STK32B: variants seen among roughly 807,000 people sequenced by gnomAD.
STK32B encodes serine/threonine kinase 32B.
STK32B carries 43 observed loss-of-function variants against 52.6 expected under a neutral mutation model. The observed-to-expected ratio is 0.82, with a 90% CI of 0.64 to 1.05. The LOEUF (loss-of-function observed/expected upper bound fraction) is 1.05, where lower values mean the gene tolerates loss of function less well. Ranked by LOEUF, STK32B falls within the 50% of genes least tolerant of loss-of-function variation. STK32B has a pLI of 0.00. For synonymous variants in STK32B, 238 were observed against 204.3 expected (o/e 1.17, Z -1.41); for missense variants, 621 against 534.6 (o/e 1.16, Z -1.59).
rs1431382282 is a variant in STK32B, at chr4:5,453,246, T to A, written c.667-3561T>A. 7.3e-6 allele frequency among the ~76,000 whole-genome samples: 1 copy of A among 137,392 alleles called. No homozygotes were observed. Among genetic ancestry groups the A allele is most frequent in the East Asian group, 2.3e-4 (1 of 4,274 alleles). 90.1% of individuals were successfully genotyped at this position (137,392 alleles called of 152,430 possible). A position where few individuals can be genotyped will look rare whatever the true frequency, so the allele number is the denominator to read the frequency against. Reference sequence around the variant, plus strand: ...TAGGGAGAGAGAGAGAGAGAGAGAGTAGCTCATGTGGAGGTCCAGTGGAAT... The same window carrying A: ...TAGGGAGAGAGAGAGAGAGAGAGAGAAGCTCATGTGGAGGTCCAGTGGAAT... On this transcript the variant is annotated intron_variant, in intron 7 of 11. Transcript: ENST00000282908. The surrounding 1 kb of genome is among the most constrained non-coding windows in gnomAD (Gnocchi z 4.0).
chr4:5,327,436 G>T (rs1334384787), intron 3 of STK32B, among the ~76,000 whole-genome samples: 1 of 151,366 alleles, frequency 6.6e-6, no homozygotes, highest in Non-Finnish European at 1.5e-5. Context: ...AAGTGTCAAA[G>T]GTCAAAATTA....
At chr4:5,166,419 G>A (rs1214446333) in intron 2 of STK32B, among the ~76,000 whole-genome samples, 1 of 150,620 alleles carries the variant, frequency 6.6e-6, no homozygotes, top group Non-Finnish European at 1.5e-5. Flanking sequence ...TGGAACCTCA[G>A]AATGTGGCCT....
intron 5 of STK32B, among the ~76,000 whole-genome samples, chr4:5,413,463 G>T (rs1019856063): frequency 4.6e-5 from 7 of 152,100 alleles, no homozygotes; most frequent in Non-Finnish European, 8.8e-5. Flanking sequence ...TTTCCTTGTG[G>T]TCGCAAATAG....
At chr4:5,480,851 C>G (rs545213685) in intron 11 of STK32B, among the ~76,000 whole-genome samples, 1 of 151,792 alleles carries the variant, frequency 6.6e-6, no homozygotes, top group Non-Finnish European at 1.5e-5. Flanking sequence ...TTTGTCCTTG[C>G]GATAGTTTGC....
chr4:5,415,284 G>C (rs1419690421), intron 5 of STK32B, among the ~76,000 whole-genome samples: 1 of 152,210 alleles, frequency 6.6e-6, no homozygotes, highest in Non-Finnish European at 1.5e-5. Context: ...AGCCTTCTGA[G>C]ATGGGTATTT....
intron 4 of STK32B, among the ~76,000 whole-genome samples, chr4:5,369,297 A>G (rs551044783): frequency 6.6e-6 from 1 of 152,112 alleles, no homozygotes; most frequent in Non-Finnish European, 1.5e-5. Flanking sequence ...CTGAGGGACC[A>G]GCTCCAAATC....
chr4:5,100,604 T>C lies in STK32B; in HGVS notation c.53-39301T>C, dbSNP rs543835055. On this transcript the variant is annotated intron_variant, in intron 1 of 11. Coordinates refer to ENST00000282908, the MANE Select transcript of STK32B (RefSeq NM_018401.3). ...CTGCCTCCCTCCCTTCTTCCTTTCTTCCTTCCTTCCCTGCTTTTTCTTTCT... is the reference window on the plus strand; with the variant it reads ...CTGCCTCCCTCCCTTCTTCCTTTCTCCCTTCCTTCCCTGCTTTTTCTTTCT... Among the ~76,000 whole-genome samples, 43 of 143,164 alleles carry C rather than the reference T, an allele frequency of 3.0e-4. 1 individual carries two copies. The South Asian group carries it at 9.3e-3, about 31-fold the overall frequency. The allele number at this position is 143,164 out of a possible 152,430, so 93.9% of individuals were successfully genotyped here.
intron 3 of STK32B, among the ~76,000 whole-genome samples, chr4:5,199,462 C>A (rs1428250738): frequency 6.7e-6 from 1 of 150,074 alleles, no homozygotes; most frequent in Non-Finnish European, 1.5e-5. Flanking sequence ...TTCAATCTTG[C>A]TTACATTATA....
At chr4:5,105,724 T>C (rs576170175) in intron 1 of STK32B, among the ~76,000 whole-genome samples, 13 of 151,786 alleles carry the variant, frequency 8.6e-5, no homozygotes, top group East Asian at 2.0e-4. Flanking sequence ...CCACCACGCC[T>C]GGCTAATTTT....
chr4:5,275,846 T>G (rs775597134), intron 3 of STK32B, among the ~76,000 whole-genome samples: 1 of 152,090 alleles, frequency 6.6e-6, no homozygotes, highest in Non-Finnish European at 1.5e-5. Flanking sequence ...GGGATGCCAG[T>G]GCCCTCTCAT....
rs1395775119 is a variant in STK32B at position 5,395,671 on chromosome 4, T to C, written c.435-2536T>C. 6.6e-6 allele frequency among the ~76,000 whole-genome samples: 1 copy of C among 152,232 alleles called. No individual in the cohort carries two copies. ...ACCGCAAAGGGGACACCCCCGTAAA[T>C]GCTTGAGATTCCACTCTGTGCTAAG... On this transcript the variant is annotated intron_variant, in intron 4 of 11. Transcript: ENST00000282908. The surrounding 1 kb of genome is among the most constrained non-coding windows in gnomAD (Gnocchi z 4.4).
rs145978187 is a variant in STK32B at position 5,105,798 on chromosome 4, A to C, written c.53-34107A>C. On this transcript the variant is annotated intron_variant, in intron 1 of 11. Coordinates refer to ENST00000282908, the MANE Select transcript of STK32B (RefSeq NM_018401.3). ...CAGGATGGTCTCGATCTCCTGACCT[A>C]GTGATCCACCCGCCTCGGCCACCCA... Among the ~76,000 whole-genome samples the C allele has an allele frequency of 5.5e-4, 83 of 151,752 alleles. 2 individuals are homozygous for C. The highest frequency in any genetic ancestry group is 3.6e-3 in the East Asian group (18 of 5,056).
intron 3 of STK32B, among the ~76,000 whole-genome samples, chr4:5,203,834 G>T (rs1030179421): frequency 6.6e-6 from 1 of 152,132 alleles, no homozygotes; most frequent in Non-Finnish European, 1.5e-5. Context: ...TACTTCAGGG[G>T]CCCGCCCTTG....
intron 2 of STK32B, among the ~76,000 whole-genome samples, chr4:5,145,916 C>T (rs1196838443): frequency 6.6e-6 from 1 of 152,176 alleles, no homozygotes; most frequent in East Asian, 1.9e-4. Context: ...AAACCTGGCT[C>T]ACCAAAACAT....
chr4:5,160,440 C>T (rs983423314), intron 2 of STK32B, among the ~76,000 whole-genome samples: 1 of 152,136 alleles, frequency 6.6e-6, no homozygotes, highest in Non-Finnish European at 1.5e-5. Flanking sequence ...GAGGCTGTGC[C>T]CTCTCCTGGT....
In STK32B at chr4:5,499,634, T is replaced by G. The variant is rs1720578147; in HGVS notation, c.*551T>G. On this transcript the variant is annotated 3_prime_UTR_variant, in exon 12 of 12. Coordinates refer to ENST00000282908, the MANE Select transcript of STK32B (RefSeq NM_018401.3). ...ACCTGAAGTGTCTTCATGTGCATTC[T>G]CTGGCAGGCCACAGTCCTGAGCTTG... 1.5e-5 allele frequency: 1 copy of G among 67,654 alleles called. No individual in the cohort carries two copies. Among genetic ancestry groups the G allele is most frequent in the Admixed American group, 1.6e-4 (1 of 6,146 alleles). The allele number at this position is 67,654 out of a possible 1,614,324, so 4.2% of individuals were successfully genotyped here.
chr4:5,315,947 T>C (rs1029900711), intron 3 of STK32B, among the ~76,000 whole-genome samples: 1 of 150,640 alleles, frequency 6.6e-6, no homozygotes, highest in Non-Finnish European at 1.5e-5. Context: ...TCAGGTGATC[T>C]GCCTGCCTCG....
chr4:5,283,325 A>AT (rs1728329085), intron 3 of STK32B, among the ~76,000 whole-genome samples: 2 of 152,132 alleles, frequency 1.3e-5, no homozygotes, highest in Admixed American at 6.6e-5. Flanking sequence ...AGGAAAAAAA[A>AT]AGAATCAAAA....
chr4:5,184,695 A>AAAAAAAAAAAAAAAGAAG (rs58321341), intron 3 of STK32B, among the ~76,000 whole-genome samples: 10 of 137,594 alleles, frequency 7.3e-5, no homozygotes, highest in East Asian at 2.2e-4. Context: ...AAAAAAAAAA[A>AAAAAAAAAAAAAAAGAAG]AAGAAGAAGA....
Sources: allele counts gnomAD v4.1 joint callset (sites outside exome capture counted in the v4.1 genomes callset), GRCh38; gene constraint gnomAD v4.1.1; non-coding constraint Gnocchi (gnomAD v3.1); transcripts MANE v1.5; gene names NCBI Gene and HGNC (gene_info 2026-07-23, HGNC 2026-07-21).